The following KCNIP4 variants were observed in gnomAD, a reference collection of about 807,000 sequenced individuals.
KCNIP4 encodes Kv channel-interacting protein 4.
A neutral mutation model predicts 34.0 loss-of-function variants in KCNIP4; 12 were observed. The observed-to-expected ratio is 0.35, with a 90% CI of 0.23 to 0.57. KCNIP4 has a LOEUF of 0.57. Among genes scored for constraint, KCNIP4 ranks in the 20% least tolerant of loss-of-function variants. KCNIP4 has a pLI of 0.83. For missense variants in KCNIP4, 238 were observed against 311.7 expected, an observed-to-expected ratio of 0.76 and a Z score of 1.78; for synonymous variants, 124 against 102.2, an observed-to-expected ratio of 1.21 and a Z score of -1.29.
intron 1 of KCNIP4, among the ~76,000 whole-genome samples, chr4:21,504,151 G>A (rs183171927): frequency 2.3e-4 from 35 of 152,082 alleles, no homozygotes; most frequent in East Asian, 1.2e-3. Context: ...ACCCAGCCTG[G>A]TCAACAATGT....
At chr4:21,320,407 G>C (rs1290318673) in intron 1 of KCNIP4, among the ~76,000 whole-genome samples, 1 of 152,214 alleles carries the variant, frequency 6.6e-6, no homozygotes, top group Non-Finnish European at 1.5e-5. Context: ...AAACTATAGA[G>C]AAGGGCTTGG....
chr4:21,106,699 G>A lies in KCNIP4; in HGVS notation c.62-223990C>T, dbSNP rs1331005670. Reference sequence around the variant, plus strand: ...TTTTAATTGTAACGTTAGGGTGTCAGTTTTGGATCTTTCCTGCTTTCTCTT... The same window carrying A: ...TTTTAATTGTAACGTTAGGGTGTCAATTTTGGATCTTTCCTGCTTTCTCTT... On this transcript the variant is annotated intron_variant, in intron 1 of 8. Coordinates refer to ENST00000382152, the MANE Select transcript of KCNIP4 (RefSeq NM_025221.6). Among the ~76,000 whole-genome samples the A allele has an allele frequency of 1.2e-4, 18 of 151,318 alleles. No homozygotes were observed. In the East Asian group the frequency reaches 3.5e-3, roughly 29 times the overall value.
chr4:21,527,078 A>C (rs1736030501), intron 1 of KCNIP4, among the ~76,000 whole-genome samples: 1 of 152,192 alleles, frequency 6.6e-6, no homozygotes, highest in African/African-American at 2.4e-5. Flanking sequence ...TTTAAAACTC[A>C]TTAATTAGGA....
rs550888922 is a variant in KCNIP4 at position 21,642,036 on chromosome 4, C to G, written c.61+306535G>C. Among the ~76,000 whole-genome samples, 306 of 152,238 alleles carry G rather than the reference C, an allele frequency of 2.0e-3. 1 individual carries two copies. The highest frequency in any genetic ancestry group is 5.5e-3 in the African/African-American group (229 of 41,566). The stretch of plus-strand genomic sequence containing the variant: ...GTTACTTACTCTGGATATTGATTTG[C>G]CTTTTCTGCACACGATGTTTCTGCC... On this transcript the variant is annotated intron_variant, in intron 1 of 8. Transcript: ENST00000382152.
chr4:21,007,458 T>A (rs1738671408), intron 1 of KCNIP4, among the ~76,000 whole-genome samples: 1 of 152,206 alleles, frequency 6.6e-6, no homozygotes, highest in Non-Finnish European at 1.5e-5. Flanking sequence ...AGATAGACTA[T>A]TGTCACCCTG....
At chr4:20,988,687 G>T (rs1487156273) in intron 1 of KCNIP4, among the ~76,000 whole-genome samples, 1 of 152,178 alleles carries the variant, frequency 6.6e-6, no homozygotes, top group African/African-American at 2.4e-5. Flanking sequence ...AAATTTAAAT[G>T]TAAGATTATT....
chr4:21,503,381 T>C (rs1291661299), intron 1 of KCNIP4, among the ~76,000 whole-genome samples: 2 of 152,198 alleles, frequency 1.3e-5, no homozygotes, highest in African/African-American at 4.8e-5. Flanking sequence ...TGTAGGTCCT[T>C]GAGGTACATA....
intron 1 of KCNIP4, among the ~76,000 whole-genome samples, chr4:21,027,386 C>T (rs891179566): frequency 5.3e-5 from 8 of 151,832 alleles, no homozygotes; most frequent in African/African-American, 1.9e-4. Context: ...AACTTCGTCA[C>T]CCCTGGGTTA....
intron 5 of KCNIP4, among the ~76,000 whole-genome samples, chr4:20,738,454 C>T (rs1750231650): frequency 6.6e-6 from 1 of 152,114 alleles, no homozygotes; most frequent in South Asian, 2.1e-4. Flanking sequence ...TGAAGTGGGA[C>T]CCCAAAATTT....
intron 1 of KCNIP4, among the ~76,000 whole-genome samples, chr4:21,075,108 T>C (rs1490400720): frequency 1.3e-5 from 2 of 152,222 alleles, no homozygotes; most frequent in Non-Finnish European, 2.9e-5. Flanking sequence ...GAAGAATGTA[T>C]ATTCTGTTGA....
intron 1 of KCNIP4, among the ~76,000 whole-genome samples, chr4:21,586,328 C>T (rs1018149246): frequency 2.0e-5 from 3 of 151,944 alleles, no homozygotes; most frequent in Non-Finnish European, 4.4e-5. Context: ...GAGTCTGGCT[C>T]ATTGTAGGTG....
Position 21,285,878 on chromosome 4 carries a change from G to T in KCNIP4, c.62-403169C>A, listed in dbSNP as rs115168720. Among the ~76,000 whole-genome samples the T allele has an allele frequency of 3.6e-3, 554 of 152,182 alleles. 2 individuals are homozygous for T. Among genetic ancestry groups the T allele is most frequent in the African/African-American group, 0.012 (482 of 41,536 alleles). On this transcript the variant is annotated intron_variant, in intron 1 of 8. Coordinates refer to ENST00000382152, the MANE Select transcript of KCNIP4 (RefSeq NM_025221.6). ...ATAAACATAAATAAACAACACAAAAGCATGGCTTGATGCCTGCCATCTAGC... is the reference window on the plus strand; with the variant it reads ...ATAAACATAAATAAACAACACAAAATCATGGCTTGATGCCTGCCATCTAGC...
intron 1 of KCNIP4, among the ~76,000 whole-genome samples, chr4:21,218,370 C>T (rs1048281270): frequency 4.6e-5 from 7 of 151,996 alleles, no homozygotes; most frequent in South Asian, 2.1e-4. Flanking sequence ...AAATTATGTA[C>T]ACCATATACA....
intron 1 of KCNIP4, among the ~76,000 whole-genome samples, chr4:20,926,477 A>G (rs2149593653): frequency 6.6e-6 from 1 of 152,328 alleles, no homozygotes; most frequent in Non-Finnish European, 1.5e-5. Context: ...AGGTGATTTT[A>G]AAACTCTAGT....
intron 5 of KCNIP4, among the ~76,000 whole-genome samples, chr4:20,735,317 T>C (rs2149276561): frequency 6.6e-6 from 1 of 152,188 alleles, no homozygotes; most frequent in East Asian, 1.9e-4. Flanking sequence ...TTGCCTCAAT[T>C]TTCGTATCTG....
At chr4:21,234,286 CATATATT>C (rs1167127529) in intron 1 of KCNIP4, among the ~76,000 whole-genome samples, 2 of 96,256 alleles carry the variant, frequency 2.1e-5, no homozygotes, top group African/African-American at 4.7e-5. Context: ...TTATATATAA[CATATATT>C]ATATATAACA....
intron 1 of KCNIP4, among the ~76,000 whole-genome samples, chr4:21,295,912 C>T (rs1763814204): frequency 7.3e-6 from 1 of 136,492 alleles, no homozygotes; most frequent in Admixed American, 7.8e-5. Context: ...GAGGCACATG[C>T]AGTTAGTGAA....
At chr4:20,972,486 C>T (rs1735054089) in intron 1 of KCNIP4, among the ~76,000 whole-genome samples, 1 of 152,102 alleles carries the variant, frequency 6.6e-6, no homozygotes, top group African/African-American at 2.4e-5. Flanking sequence ...CAAGCAGGTG[C>T]ATTGTCACTG....
intron 1 of KCNIP4, among the ~76,000 whole-genome samples, chr4:20,996,809 C>T (rs1737596636): frequency 6.6e-6 from 1 of 152,040 alleles, no homozygotes; most frequent in African/African-American, 2.4e-5. Flanking sequence ...CTATCTCATC[C>T]CACTTGTGTA....
Sources: allele counts gnomAD v4.1 joint callset (sites outside exome capture counted in the v4.1 genomes callset), GRCh38; gene constraint gnomAD v4.1.1; transcripts MANE v1.5; gene names NCBI Gene and HGNC (gene_info 2026-07-23, HGNC 2026-07-21).